Variants in POLR2M observed in about 807,000 individuals in gnomAD.
POLR2M encodes the protein RNA polymerase II subunit M, also known as protein GRINL1A.
A neutral mutation model predicts 34.6 loss-of-function variants in POLR2M; 30 were observed. That is an observed-to-expected ratio of 0.87 (90% confidence interval 0.65 to 1.18). The LOEUF is 1.18. Among genes scored for constraint, POLR2M ranks in the 50% most tolerant of loss-of-function variants. The probability of loss-of-function intolerance (pLI) is 0.00; values close to 1 mark genes in which losing one functional copy is unlikely to be tolerated. For synonymous variants in POLR2M, 150 were observed against 166.7 expected (o/e 0.90, Z 0.77); for missense variants, 432 against 448.7 (o/e 0.96, Z 0.34).
intron 1 of POLR2M, chr15:57,707,330 C>T: frequency 2.7e-6 from 2 of 729,734 alleles, no homozygotes; most frequent in Non-Finnish European, 4.8e-6. Context: ...TCTAAGCTTA[C>T]AGGAACCGTA....
rs869161314 is a variant in POLR2M at position 57,713,820 on chromosome 15, C to CTTTTTTTTTT, written c.964-686_964-677dup. ...AGAAATCTAGACAGCATTAGTCCTTCTTTTTTTTTTTTTTTTTTTTTTTTT... is the reference window on the plus strand; with the variant it reads ...AGAAATCTAGACAGCATTAGTCCTTCTTTTTTTTTTTTTTTTTTTTTTTTTTTTTTTTTTT... On this transcript the variant is annotated intron_variant, in intron 3 of 3. Coordinates refer to ENST00000299638, the MANE Select transcript of POLR2M (RefSeq NM_015532.5). Among the ~76,000 whole-genome samples the CTTTTTTTTTT allele has an allele frequency of 2.6e-4, 17 of 65,640 alleles. 1 individual carries two copies. Among genetic ancestry groups the CTTTTTTTTTT allele is most frequent in the East Asian group, 6.5e-4 (1 of 1,548 alleles). 43.1% of individuals were successfully genotyped at this position (65,640 alleles called of 152,430 possible). A position where few individuals can be genotyped will look rare whatever the true frequency, so the allele number is the denominator to read the frequency against.
At position 57,706,943 on chromosome 15, in the gene POLR2M, T is replaced by A. The variant is rs147329990; in HGVS notation, c.101T>A (p.Leu34His). The change falls in exon 1 of 4, where the codon CTT becomes CAT. Residue 34 changes from leucine (L) to histidine (H), a missense_variant. Physicochemically the swap from Leu to His is moderately conservative, Grantham distance 99. Coordinates refer to ENST00000299638, the MANE Select transcript of POLR2M (RefSeq NM_015532.5). ...GAAATGTTGAAGCGCCAGGAGAGAC[T>A]TTTGCGCAACGAGTAAGCTGGGGTC... ...LREMLKRQERLLRNEKFICKL... is the reference protein window; with the variant it reads ...LREMLKRQERHLRNEKFICKL... The A allele has an allele frequency of 4.4e-6, 7 of 1,601,780 alleles. No homozygotes were observed. The highest frequency in any genetic ancestry group is 1.3e-5 in the African/African-American group (1 of 74,780).
chr15:57,711,801 G>C (rs1226624462), intron 2 of POLR2M, among the ~76,000 whole-genome samples, 183 bp from the exon 3 acceptor site: 1 of 151,178 alleles, frequency 6.6e-6, no homozygotes, highest in East Asian at 1.9e-4. Context: ...GAAGGAAAAG[G>C]CAAAGAGCCT....
intron 1 of POLR2M, chr15:57,707,449 A>G (rs2040539943): frequency 3.4e-6 from 2 of 594,322 alleles, no homozygotes; most frequent in Non-Finnish European, 6.3e-6. Flanking sequence ...ACGTAATAAA[A>G]GTGATTTTGT....
chr15:57,716,318 TTTGA>T lies in POLR2M; in HGVS notation c.*1642_*1645del, dbSNP rs2040941140. The T allele has an allele frequency of 6.6e-6, 1 of 152,274 alleles. No individual in the cohort carries two copies. The highest frequency in any genetic ancestry group is 1.5e-5 in the Non-Finnish European group (1 of 68,044). 9.4% of individuals were successfully genotyped at this position (152,274 alleles called of 1,614,324 possible). On this transcript the variant is annotated 3_prime_UTR_variant, in exon 4 of 4. Transcript: ENST00000299638. ...TTAAGATTTATTTCCTATTCAGCAATTTGATTATGTATTATAATGTAATCTGTAA... is the reference window on the plus strand; with the variant it reads ...TTAAGATTTATTTCCTATTCAGCAATTTATGTATTATAATGTAATCTGTAA...
rs144149846 is a variant in POLR2M, at chr15:57,713,118, C to T, written c.963+930C>T. 3.4e-3 allele frequency among the ~76,000 whole-genome samples: 511 copies of T among 151,386 alleles called. 2 individuals are homozygous for T. The highest frequency in any genetic ancestry group is 0.012 in the African/African-American group (493 of 41,284). On this transcript the variant is annotated intron_variant, in intron 3 of 3. Transcript: ENST00000299638. ...CTGAGGTAGGAGGATTGCTTGAGCT[C>T]AGGAGGTCGAGGCTGCAGTGAGCCG...
In POLR2M at chr15:57,716,843, C is replaced by G. The variant is rs1287363056; in HGVS notation, c.*2164C>G. 6.6e-6 allele frequency: 1 copy of G among 152,030 alleles called. No individual in the cohort carries two copies. The highest frequency in any genetic ancestry group is 2.4e-5 in the African/African-American group (1 of 41,380). The allele number at this position is 152,030 out of a possible 1,614,324, so 9.4% of individuals were successfully genotyped here. A position where few individuals can be genotyped will look rare whatever the true frequency, so the allele number is the denominator to read the frequency against. On this transcript the variant is annotated 3_prime_UTR_variant, in exon 4 of 4. Coordinates refer to ENST00000299638, the MANE Select transcript of POLR2M (RefSeq NM_015532.5). ...GAAGTTGTTTTCTTTAGGAGTCTACCTTTGTGTATGTGCTTGAAAGTATTT... is the reference window on the plus strand; with the variant it reads ...GAAGTTGTTTTCTTTAGGAGTCTACGTTTGTGTATGTGCTTGAAAGTATTT...
chr15:57,709,272 G>T lies in POLR2M; in HGVS notation c.672G>T (p.Gly224=). ...AGAACTTGACAGGCCTTTCCAGTGGGACTGAGAAGAAACCTCATTACATGG... is the reference window on the plus strand; with the variant it reads ...AGAACTTGACAGGCCTTTCCAGTGGTACTGAGAAGAAACCTCATTACATGG... ...STKNLTGLSS[G]TEKKPHYMEV... The change falls in exon 2 of 4, where the codon GGG becomes GGT. Residue 224 remains glycine (G), a synonymous_variant. Coordinates refer to ENST00000299638, the MANE Select transcript of POLR2M (RefSeq NM_015532.5). 6.2e-7 allele frequency: 1 copy of T among 1,614,204 alleles called. No homozygotes were observed. Among genetic ancestry groups the T allele is most frequent in the Middle Eastern group, 1.6e-4 (1 of 6,062 alleles).
Position 57,708,721 on chromosome 15 carries a change from A to T in POLR2M, c.121A>T (p.Ile41Phe), listed in dbSNP as rs1309917314. 2 of 1,577,372 alleles carry T rather than the reference A, an allele frequency of 1.3e-6. No individual in the cohort carries two copies. The highest frequency in any genetic ancestry group is 1.7e-6 in the Non-Finnish European group (2 of 1,165,858). ...QERLLRNEKFICKLPDKGKKI... is the reference protein window; with the variant it reads ...QERLLRNEKFFCKLPDKGKKI... ...TTCTTTTCCATTTGACAGAAAATTCATTTGCAAATTGCCCGACAAAGGTAA... is the reference window on the plus strand; with the variant it reads ...TTCTTTTCCATTTGACAGAAAATTCTTTTGCAAATTGCCCGACAAAGGTAA... Residue 41 changes from isoleucine to phenylalanine, a missense_variant, in exon 2 of 4, where the codon ATT becomes TTT. Coordinates refer to ENST00000299638, the MANE Select transcript of POLR2M (RefSeq NM_015532.5).
At position 57,715,001 on chromosome 15, in the gene POLR2M, T is replaced by G. The variant is rs1186704422; in HGVS notation, c.*322T>G. The G allele has an allele frequency of 5.3e-5, 12 of 225,754 alleles. No individual in the cohort carries two copies. The highest frequency in any genetic ancestry group is 2.3e-4 in the Admixed American group (4 of 17,386). 14.0% of individuals were successfully genotyped at this position (225,754 alleles called of 1,614,324 possible). A position where few individuals can be genotyped will look rare whatever the true frequency, so the allele number is the denominator to read the frequency against. On this transcript the variant is annotated 3_prime_UTR_variant, in exon 4 of 4. Coordinates refer to ENST00000299638, the MANE Select transcript of POLR2M (RefSeq NM_015532.5). Reference sequence around the variant, plus strand: ...AAAGAGGTAACTTTGCTTTTTTCCTTTTTCTTACCTATCAAATAGCATTTA... The same window carrying G: ...AAAGAGGTAACTTTGCTTTTTTCCTGTTTCTTACCTATCAAATAGCATTTA...
At chr15:57,709,392 A>G in intron 2 of POLR2M, 34 bp downstream of exon 2, 1 of 1,573,178 alleles carries the variant, frequency 6.4e-7, no homozygotes, top group African/African-American at 1.4e-5. Context: ...TGTAACAGGA[A>G]CGTGATATTT....
intron 1 of POLR2M, chr15:57,707,315 T>G: frequency 1.4e-6 from 1 of 729,202 alleles, no homozygotes; most frequent in Non-Finnish European, 2.3e-6. Flanking sequence ...GCTTCATCTC[T>G]GGATTCTAAG....
rs780398219 is a variant in POLR2M at position 57,714,529 on chromosome 15, T to G, written c.964-7T>G. 3.7e-6 allele frequency: 6 copies of G among 1,613,076 alleles called. No homozygotes were observed. Among genetic ancestry groups the G allele is most frequent in the Non-Finnish European group, 5.1e-6 (6 of 1,179,652 alleles). The stretch of plus-strand genomic sequence containing the variant: ...TGTAACTTTGTGCTTTGCTCTTTGT[T>G]TTAAAGGAGATGCAAGCAAAGCTCG... On this transcript the variant is annotated splice_polypyrimidine_tract_variant and splice_region_variant and intron_variant, in intron 3 of 3. Transcript: ENST00000299638.
In POLR2M at chr15:57,716,638, A is replaced by G. The variant is rs568545319; in HGVS notation, c.*1959A>G. 1.3e-5 allele frequency: 2 copies of G among 152,258 alleles called. No homozygotes were observed. The highest frequency in any genetic ancestry group is 2.1e-4 in the South Asian group (1 of 4,836). 9.4% of individuals were successfully genotyped at this position (152,258 alleles called of 1,614,324 possible). The stretch of plus-strand genomic sequence containing the variant: ...GAAGGTTGTGTTTTTTTTCATATTC[A>G]TTGGCCATGCTATATTCATTCTTTT... On this transcript the variant is annotated 3_prime_UTR_variant, in exon 4 of 4. Transcript: ENST00000299638.
chr15:57,706,987 G>C (rs748360822), intron 1 of POLR2M, 32 bp downstream of exon 1: 3 of 1,557,264 alleles, frequency 1.9e-6, no homozygotes, highest in Non-Finnish European at 2.6e-6. Context: ...TCTCCGCCAG[G>C]CTCCTTCAGC....
In POLR2M at chr15:57,708,879, T is replaced by G. The variant is rs769396231; in HGVS notation, c.279T>G (p.Asp93Glu). The change falls in exon 2 of 4, where the codon GAT becomes GAG. Residue 93 changes from aspartate to glutamate, a missense_variant. Asp to Glu is a conservative substitution (Grantham distance 45, BLOSUM62 2). Coordinates refer to ENST00000299638, the MANE Select transcript of POLR2M (RefSeq NM_015532.5). Reference protein sequence around the residue: ...KLRQKAIAEVDVGTDKAQNSD... With the variant: ...KLRQKAIAEVEVGTDKAQNSD... The stretch of plus-strand genomic sequence containing the variant: ...GGCAAAAAGCAATTGCAGAAGTTGA[T>G]GTGGGTACAGATAAGGCCCAGAATT... 2 of 1,614,064 alleles carry G rather than the reference T, an allele frequency of 1.2e-6. No individual in the cohort carries two copies. The highest frequency in any genetic ancestry group is 3.3e-5 in the Admixed American group (2 of 60,020).
intron 3 of POLR2M, 78 bp from the exon 4 acceptor site, chr15:57,714,458 T>G: frequency 1.3e-6 from 2 of 1,584,014 alleles, no homozygotes; most frequent in Non-Finnish European, 1.7e-6. Context: ...TATTGCTGAT[T>G]CTAGGTAACT....
Position 57,706,975 on chromosome 15 carries a change from A to T in POLR2M, c.113+20A>T. On this transcript the variant is annotated intron_variant, in intron 1 of 3. Coordinates refer to ENST00000299638, the MANE Select transcript of POLR2M (RefSeq NM_015532.5). ...CAACGAGTAAGCTGGGGTCCCGCGG[A>T]GTCTCCGCCAGGCTCCTTCAGCTCG... 2.6e-6 allele frequency: 4 copies of T among 1,567,530 alleles called. No individual in the cohort carries two copies. Among genetic ancestry groups the T allele is most frequent in the Non-Finnish European group, 3.5e-6 (4 of 1,155,734 alleles).
rs2040606306 is a variant in POLR2M at position 57,709,072 on chromosome 15, A to G, written c.472A>G (p.Asn158Asp). 6.2e-7 allele frequency: 1 copy of G among 1,614,204 alleles called. No individual in the cohort carries two copies. The highest frequency in any genetic ancestry group is 1.3e-5 in the African/African-American group (1 of 75,052). Reference sequence around the variant, plus strand: ...AGTGAATAAGGGCCCAGCTTCCAGCAATAGAGACAGGGTACCACCTTCATC... The same window carrying G: ...AGTGAATAAGGGCCCAGCTTCCAGCGATAGAGACAGGGTACCACCTTCATC... Reference protein sequence around the residue: ...YTVNKGPASSNRDRVPPSSEA... With the variant: ...YTVNKGPASSDRDRVPPSSEA... Residue 158 changes from asparagine (N) to aspartate (D), a missense_variant, in exon 2 of 4, where the codon AAT becomes GAT. Physicochemically the swap from Asn to Asp is conservative, Grantham distance 23 (BLOSUM62 1). Transcript: ENST00000299638.
Sources: gnomAD v4.1 joint callset for allele counts (sites outside exome capture counted in the v4.1 genomes callset) on GRCh38, gnomAD v4.1.1 for gene constraint, MANE v1.5 for transcripts, NCBI Gene and HGNC (gene_info 2026-07-23, HGNC 2026-07-21) for gene names.